The following LPCAT2 variants were observed in gnomAD, a reference collection of about 807,000 sequenced individuals.
LPCAT2 encodes the protein lysophosphatidylcholine acyltransferase 2.
A neutral mutation model predicts 64.7 loss-of-function variants in LPCAT2; 58 were observed. That is an observed-to-expected ratio of 0.90 (90% CI 0.73 to 1.12). The LOEUF is 1.12. Ranked by LOEUF, LPCAT2 falls within the 50% of genes most tolerant of loss-of-function variation. LPCAT2 has a pLI of 0.00. For missense variants in LPCAT2, 579 were observed against 669.8 expected (o/e 0.86, Z 1.50); for synonymous variants, 252 against 245.3 (o/e 1.03, Z -0.26).
intron 11 of LPCAT2, among the ~76,000 whole-genome samples, chr16:55,557,458 G>A (rs879275350): frequency 2.6e-5 from 4 of 152,328 alleles, no homozygotes; most frequent in Non-Finnish European, 5.9e-5. Flanking sequence ...TTAGCAGAGG[G>A]AAGTTTGATG....
intron 11 of LPCAT2, among the ~76,000 whole-genome samples, chr16:55,567,876 T>A (rs1963724794): frequency 6.6e-6 from 1 of 152,182 alleles, no homozygotes; most frequent in Admixed American, 6.5e-5. Context: ...ATGAATTTTT[T>A]TAATCCTAGA....
chr16:55,530,481 G>A (rs1963237378), intron 4 of LPCAT2, among the ~76,000 whole-genome samples: 1 of 117,566 alleles, frequency 8.5e-6, no homozygotes, highest in Non-Finnish European at 1.9e-5. Flanking sequence ...CCCTTCCCTG[G>A]AATGCGGGGG....
At chr16:55,509,662 A>G (rs1407310650) in intron 1 of LPCAT2, among the ~76,000 whole-genome samples, 1 of 151,970 alleles carries the variant, frequency 6.6e-6, no homozygotes, top group Non-Finnish European at 1.5e-5. Flanking sequence ...TGGGAAGCAA[A>G]GGCATCAGAG....
At position 55,583,510 on chromosome 16, in the gene LPCAT2, G is replaced by A. The variant is rs1963910878; in HGVS notation, c.*412G>A. Reference sequence around the variant, plus strand: ...TTATTTCTAATCCTTTTCCACTTGGGAAATAACAATGAAGAATCTGAGAAT... The same window carrying A: ...TTATTTCTAATCCTTTTCCACTTGGAAAATAACAATGAAGAATCTGAGAAT... On this transcript the variant is annotated 3_prime_UTR_variant, in exon 14 of 14. Coordinates refer to ENST00000262134, the MANE Select transcript of LPCAT2 (RefSeq NM_017839.5). 1 of 153,016 alleles carries A rather than the reference G, an allele frequency of 6.5e-6. No homozygotes were observed. Among genetic ancestry groups the A allele is most frequent in the Non-Finnish European group, 1.5e-5 (1 of 68,760 alleles). 9.5% of individuals were successfully genotyped at this position (153,016 alleles called of 1,614,324 possible). A position where few individuals can be genotyped will look rare whatever the true frequency, so the allele number is the denominator to read the frequency against.
At chr16:55,522,447 C>A (rs1963110438) in intron 1 of LPCAT2, among the ~76,000 whole-genome samples, 1 of 151,556 alleles carries the variant, frequency 6.6e-6, no homozygotes, top group Admixed American at 6.6e-5. Context: ...AGTAAAAATC[C>A]TAACAGGTTT....
intron 11 of LPCAT2, among the ~76,000 whole-genome samples, chr16:55,573,041 G>C (rs1477382869): frequency 6.6e-6 from 1 of 152,192 alleles, no homozygotes; most frequent in Non-Finnish European, 1.5e-5. Context: ...AATAAACCTT[G>C]TTCCTTTAGG....
chr16:55,554,347 T>C (rs953668767), intron 11 of LPCAT2, among the ~76,000 whole-genome samples: 2 of 152,240 alleles, frequency 1.3e-5, no homozygotes, highest in African/African-American at 4.8e-5. Context: ...GATAACTTGC[T>C]GCAGCTTCTC....
At chr16:55,528,973 T>G (rs1458659001) in intron 3 of LPCAT2, among the ~76,000 whole-genome samples, 2 of 152,202 alleles carry the variant, frequency 1.3e-5, no homozygotes, top group Non-Finnish European at 2.9e-5. Context: ...TTCAGGATAT[T>G]AGGCTGCTAA....
chr16:55,572,697 T>G (rs1468169853), intron 11 of LPCAT2, among the ~76,000 whole-genome samples: 1 of 152,200 alleles, frequency 6.6e-6, no homozygotes, highest in Non-Finnish European at 1.5e-5. Context: ...GGCACACGCC[T>G]GTAGTTACAG....
intron 11 of LPCAT2, among the ~76,000 whole-genome samples, chr16:55,560,943 A>G (rs1596879195): frequency 6.6e-6 from 1 of 152,064 alleles, no homozygotes; most frequent in Non-Finnish European, 1.5e-5. Context: ...TCACCCCAGT[A>G]TGATTTTTTA....
rs761703617 is a variant in LPCAT2 at position 55,551,001 on chromosome 16, A to G, written c.1114A>G (p.Ser372Gly). Residue 372 changes from serine (S) to glycine (G), a missense_variant, in exon 11 of 14, where the codon AGT becomes GGT. By Grantham distance (56) the Ser-to-Gly change is moderately conservative (BLOSUM62 0). Transcript: ENST00000262134. ...TTTGGATGAATATGCATCTATTGCG[A>G]GTTCCTCAAAAGGAGGAAGAATTGG... ...KHLDEYASIA[S>G]SSKGGRIGIE... The G allele has an allele frequency of 6.2e-7, 1 of 1,612,634 alleles. No individual in the cohort carries two copies. The highest frequency in any genetic ancestry group is 8.5e-7 in the Non-Finnish European group (1 of 1,178,938).
At chr16:55,569,312 G>C (rs1338649399) in intron 11 of LPCAT2, among the ~76,000 whole-genome samples, 3 of 152,138 alleles carry the variant, frequency 2.0e-5, no homozygotes, top group Non-Finnish European at 2.9e-5. Flanking sequence ...TTTAACCTTG[G>C]TCTGGTGTGC....
chr16:55,550,005 A>G (rs1319456948), intron 10 of LPCAT2, among the ~76,000 whole-genome samples: 4 of 152,136 alleles, frequency 2.6e-5, no homozygotes, highest in African/African-American at 9.7e-5. Flanking sequence ...CTCAGCCCTA[A>G]CTGGAATTTG....
chr16:55,574,467 G>T (rs1458790150), intron 11 of LPCAT2, among the ~76,000 whole-genome samples, 164 bp from the exon 12 acceptor site: 1 of 152,166 alleles, frequency 6.6e-6, no homozygotes, highest in African/African-American at 2.4e-5. Context: ...TCCTTCTTGG[G>T]AATAGTTGGG....
In LPCAT2 at chr16:55,575,202, C is replaced by T. The variant is rs117521455; in HGVS notation, c.1314+473C>T. 3.3e-3 allele frequency among the ~76,000 whole-genome samples: 505 copies of T among 152,164 alleles called. 18 individuals carry two copies. In the South Asian group the frequency reaches 0.063, roughly 19 times the overall value. On this transcript the variant is annotated intron_variant, in intron 12 of 13. Transcript: ENST00000262134. ...TCAGGTGAACACCATCATAAATGTC[C>T]CAAGTTCCTGCCCCTCATGTCTTCC...
chr16:55,582,862 G>T, intron 13 of LPCAT2, 52 bp from the exon 14 acceptor site: 1 of 1,226,508 alleles, frequency 8.2e-7, no homozygotes, highest in Non-Finnish European at 1.2e-6. Flanking sequence ...TCTGCATCAT[G>T]CCAAAAGAAG....
In LPCAT2 at chr16:55,585,626, A is replaced by T. The variant is rs1253132525; in HGVS notation, c.*2528A>T. The T allele has an allele frequency of 2.0e-5, 3 of 152,340 alleles. No homozygotes were observed. Among genetic ancestry groups the T allele is most frequent in the African/African-American group, 7.2e-5 (3 of 41,578 alleles). 9.4% of individuals were successfully genotyped at this position (152,340 alleles called of 1,614,324 possible). A position where few individuals can be genotyped will look rare whatever the true frequency, so the allele number is the denominator to read the frequency against. ...TAAACCACAAACATTCAATTGAAAG[A>T]GTTCTGTTGAAGGATAATGACATAC... On this transcript the variant is annotated 3_prime_UTR_variant, in exon 14 of 14. Transcript: ENST00000262134.
chr16:55,542,094 T>A, intron 8 of LPCAT2: 1 of 590,828 alleles, frequency 1.7e-6, no homozygotes, highest in South Asian at 2.4e-5. Context: ...CAAGAAAAAA[T>A]GAATAAACTA....
At chr16:55,575,673 G>A (rs1193511203) in intron 12 of LPCAT2, among the ~76,000 whole-genome samples, 1 of 152,096 alleles carries the variant, frequency 6.6e-6, no homozygotes, top group East Asian at 1.9e-4. Context: ...CTATTATCTA[G>A]AAAGACTTTC....
Sources: gnomAD v4.1 joint callset for allele counts (sites outside exome capture counted in the v4.1 genomes callset) on GRCh38, gnomAD v4.1.1 for gene constraint, MANE v1.5 for transcripts, NCBI Gene and HGNC (gene_info 2026-07-23, HGNC 2026-07-21) for gene names.